PSMD11: variants seen among roughly 807,000 people sequenced by gnomAD.
The protein encoded by PSMD11 is proteasome 26S subunit, non-ATPase 11.
A neutral mutation model predicts 62.3 loss-of-function variants in PSMD11; 5 were observed. The ratio of observed to expected loss-of-function variants is 0.08; its 90% confidence interval spans 0.04 to 0.17. PSMD11 has a LOEUF of 0.17. Among genes scored for constraint, PSMD11 ranks in the 10% least tolerant of loss-of-function variants. PSMD11 has a pLI of 1.00. For synonymous variants in PSMD11, 191 were observed against 191.8 expected (o/e 1.00, Z 0.03); for missense variants, 310 against 512.9 (o/e 0.60, Z 3.82).
intron 2 of PSMD11, among the ~76,000 whole-genome samples, chr17:32,450,698 G>A (rs1907467894): frequency 6.6e-6 from 1 of 151,978 alleles, no homozygotes; most frequent in African/African-American, 2.4e-5. Context: ...AAAGTGGAAG[G>A]AAACAGGAAA....
intron 2 of PSMD11, chr17:32,447,396 G>A (rs952587003): frequency 1.9e-5 from 3 of 161,672 alleles, no homozygotes; most frequent in South Asian, 2.0e-4. Context: ...AACTTTAAGC[G>A]CCTGATTTAA....
chr17:32,476,774 AC>A (rs1908335848), intron 8 of PSMD11: 1 of 152,116 alleles, frequency 6.6e-6, no homozygotes, highest in African/African-American at 2.4e-5. Context: ...TAATGCCGCA[AC>A]CTTTTTTTGA....
intron 13 of PSMD11, 33 bp downstream of exon 13, chr17:32,480,664 C>T (rs1207943223): frequency 6.2e-7 from 1 of 1,612,020 alleles, no homozygotes; most frequent in East Asian, 2.2e-5. Context: ...CAGGGCTGGG[C>T]AGCTCTGTCT....
rs1476727166 is a variant in PSMD11 at position 32,482,149 on chromosome 17, G to C, written c.*1397G>C. Reference sequence around the variant, plus strand: ...GGTTTTCATAATAAATTTATATTTTGTAAAAGGATTTTGTTGTACCAGGTT... The same window carrying C: ...GGTTTTCATAATAAATTTATATTTTCTAAAAGGATTTTGTTGTACCAGGTT... On this transcript the variant is annotated 3_prime_UTR_variant, in exon 14 of 14. Transcript: ENST00000261712. The C allele has an allele frequency of 6.6e-6, 1 of 150,572 alleles. No individual in the cohort carries two copies. The allele number at this position is 150,572 out of a possible 1,614,324, so 9.3% of individuals were successfully genotyped here.
chr17:32,454,469 C>T (rs779313601), intron 2 of PSMD11, 26 bp from the exon 3 acceptor site: 35 of 1,608,846 alleles, frequency 2.2e-5, no homozygotes, highest in Middle Eastern at 3.3e-4. Flanking sequence ...ATGTTTACTC[C>T]TCTTTTTGAA....
Position 32,465,777 on chromosome 17 carries a change from C to G in PSMD11, c.448+1199C>G, listed in dbSNP as rs938096873. Among the ~76,000 whole-genome samples, 15 of 151,940 alleles carry G rather than the reference C, an allele frequency of 9.9e-5. No homozygotes were observed. The South Asian group carries it at 3.1e-3, about 32-fold the overall frequency. ...TTGCCTGAGCTCAGGAGTTGGAGACCAGCCTAGGCAACATGGTGAAACCCC... is the reference window on the plus strand; with the variant it reads ...TTGCCTGAGCTCAGGAGTTGGAGACGAGCCTAGGCAACATGGTGAAACCCC... On this transcript the variant is annotated intron_variant, in intron 5 of 13. Coordinates refer to ENST00000261712, the MANE Select transcript of PSMD11 (RefSeq NM_002815.4).
chr17:32,470,867 C>T (rs1412242352), intron 6 of PSMD11, among the ~76,000 whole-genome samples: 1 of 152,124 alleles, frequency 6.6e-6, no homozygotes, highest in Non-Finnish European at 1.5e-5. Context: ...AGCAGATATT[C>T]CTTGAGGCCT....
intron 8 of PSMD11, chr17:32,477,178 C>T (rs368806667): frequency 3.6e-5 from 8 of 221,682 alleles, no homozygotes; most frequent in South Asian, 1.4e-4. Context: ...GTGGATGTGG[C>T]GATAACAAGC....
intron 3 of PSMD11, among the ~76,000 whole-genome samples, chr17:32,456,455 C>G (rs566594056): frequency 6.6e-6 from 1 of 152,116 alleles, no homozygotes. Context: ...TCACTGCAAC[C>G]CCCGCCTCCC....
At chr17:32,456,072 A>T (rs1907640391) in intron 3 of PSMD11, among the ~76,000 whole-genome samples, 1 of 142,680 alleles carries the variant, frequency 7.0e-6, no homozygotes, top group Non-Finnish European at 1.5e-5. Flanking sequence ...TGAACCCGGG[A>T]GGCGGAGCTT....
rs1296333672 is a variant in PSMD11 at position 32,444,624 on chromosome 17, G to A, written c.91+10G>A. On this transcript the variant is annotated intron_variant, in intron 1 of 13. Transcript: ENST00000261712. Reference sequence around the variant, plus strand: ...ATCCTCCACTCCATCGGTAAAGGTCGCCGCGCCGCCTCCCCGGCCCCGCCG... The same window carrying A: ...ATCCTCCACTCCATCGGTAAAGGTCACCGCGCCGCCTCCCCGGCCCCGCCG... The A allele has an allele frequency of 1.2e-6, 2 of 1,609,924 alleles. No individual in the cohort carries two copies. Among genetic ancestry groups the A allele is most frequent in the Non-Finnish European group, 1.7e-6 (2 of 1,178,822 alleles).
intron 3 of PSMD11, among the ~76,000 whole-genome samples, chr17:32,462,021 T>C (rs577761926): frequency 6.6e-6 from 1 of 152,332 alleles, no homozygotes; most frequent in Admixed American, 6.5e-5. Flanking sequence ...GTCTGGACTA[T>C]CAGGGAAATG....
intron 1 of PSMD11, 82 bp downstream of exon 1, chr17:32,444,696 C>G (rs1907271877): frequency 6.5e-7 from 1 of 1,538,836 alleles, no homozygotes. Flanking sequence ...AGGGGCCCGG[C>G]TAGCCGGCTC....
chr17:32,479,782 C>T (rs764570442), intron 10 of PSMD11, 69 bp from the exon 11 acceptor site: 16 of 1,522,710 alleles, frequency 1.1e-5, no homozygotes, highest in Non-Finnish European at 1.5e-5. Flanking sequence ...TCCCCCTGTT[C>T]CCTCCCTTCT....
At chr17:32,477,808 C>A in intron 9 of PSMD11, 1 of 332,446 alleles carries the variant, frequency 3.0e-6, no homozygotes, top group Non-Finnish European at 5.4e-6. Context: ...TAATACCTTT[C>A]TATTTCAAAA....
At chr17:32,453,680 C>A (rs972407104) in intron 2 of PSMD11, among the ~76,000 whole-genome samples, 1 of 152,148 alleles carries the variant, frequency 6.6e-6, no homozygotes, top group Non-Finnish European at 1.5e-5. Flanking sequence ...GTAATTTTAA[C>A]CTACATTCCA....
intron 3 of PSMD11, among the ~76,000 whole-genome samples, chr17:32,456,913 C>T (rs1018564226): frequency 7.9e-5 from 12 of 151,904 alleles, no homozygotes; most frequent in Admixed American, 2.6e-4. Flanking sequence ...ATGATCCACC[C>T]GCCTTGGCCT....
intron 3 of PSMD11, among the ~76,000 whole-genome samples, chr17:32,462,849 G>A (rs1176222576): frequency 6.6e-6 from 1 of 152,080 alleles, no homozygotes; most frequent in African/African-American, 2.4e-5. Context: ...ACCATACCTG[G>A]CTAATTTCTT....
intron 3 of PSMD11, among the ~76,000 whole-genome samples, chr17:32,459,113 T>TTGTCCCTG: frequency 1.6e-5 from 1 of 63,472 alleles, no homozygotes; most frequent in East Asian, 1.0e-3. Context: ...AAAAAAAAAA[T>TTGTCCCTG]ACATATATAT....
Sources: allele counts gnomAD v4.1 joint callset (sites outside exome capture counted in the v4.1 genomes callset), GRCh38; gene constraint gnomAD v4.1.1; transcripts MANE v1.5; gene names NCBI Gene and HGNC (gene_info 2026-07-23, HGNC 2026-07-21).